ENTPD6: variants seen among roughly 807,000 people sequenced by gnomAD.
ENTPD6 encodes CD39 antigen-like 2.
ENTPD6 carries 46 observed loss-of-function variants against 61.5 expected under a neutral mutation model. The observed-to-expected ratio is 0.75, with a 90% CI of 0.59 to 0.96. The LOEUF (loss-of-function observed/expected upper bound fraction) is 0.96. ENTPD6 is among the 40% of genes least tolerant of loss of function. The pLI is 0.00. For synonymous variants in ENTPD6, 252 were observed against 255.5 expected (o/e 0.99, Z 0.13); for missense variants, 612 against 629.0 (o/e 0.97, Z 0.29).
rs1359623316 is a variant in ENTPD6, at chr20:25,228,026, TTTG to T, written c.*2432_*2434del. Reference sequence around the variant, plus strand: ...TTTTCTATAAGATTGTCATCATTTTTTTGTTAATTGTAGATCTTTATTTATTAA... The same window carrying T: ...TTTTCTATAAGATTGTCATCATTTTTTTAATTGTAGATCTTTATTTATTAA... On this transcript the variant is annotated 3_prime_UTR_variant, in exon 15 of 15. Transcript: ENST00000376652. 1.3e-5 allele frequency among the ~76,000 whole-genome samples: 2 copies of T among 152,246 alleles called. No homozygotes were observed. The highest frequency in any genetic ancestry group is 2.9e-5 in the Non-Finnish European group (2 of 68,042).
rs1357291028 is a variant in ENTPD6, at chr20:25,215,671, T to C, written c.674-5T>C. 1.2e-6 allele frequency: 2 copies of C among 1,614,034 alleles called. No individual in the cohort carries two copies. Among genetic ancestry groups the C allele is most frequent in the African/African-American group, 2.7e-5 (2 of 74,942 alleles). ...TAAAATAATGCCTGTGACACTCTCT[T>C]GCAGGCGTTTCGGCGTGGATCACCA... On this transcript the variant is annotated splice_polypyrimidine_tract_variant and splice_region_variant and intron_variant, in intron 6 of 14. Coordinates refer to ENST00000376652, the MANE Select transcript of ENTPD6 (RefSeq NM_001247.5).
At position 25,195,770 on chromosome 20, in the gene ENTPD6, G is replaced by C. The variant is rs1409562489; in HGVS notation, c.-113G>C. 26 of 1,059,614 alleles carry C rather than the reference G, an allele frequency of 2.5e-5. No homozygotes were observed. The highest frequency in any genetic ancestry group is 6.5e-5 in the East Asian group (2 of 30,862). 65.6% of individuals were successfully genotyped at this position (1,059,614 alleles called of 1,614,324 possible). A position where few individuals can be genotyped will look rare whatever the true frequency, so the allele number is the denominator to read the frequency against. On this transcript the variant is annotated 5_prime_UTR_variant, in exon 1 of 15. Coordinates refer to ENST00000376652, the MANE Select transcript of ENTPD6 (RefSeq NM_001247.5). ...TATCCCGCGGGTGGAGGCCGGGGTG[G>C]CGCCGGCCGGGGCGGGGGAGCCCAA...
At position 25,218,547 on chromosome 20, in the gene ENTPD6, CA is replaced by C. The variant is rs1372880497; in HGVS notation, c.879-2del. ...TGCCCTCACTGAGGTGTCATTCCCA[CA>C]GCTACCTCGGGCTCGGGCTGATGTC... On this transcript the variant is annotated splice_acceptor_variant, in intron 9 of 14. Coordinates refer to ENST00000376652, the MANE Select transcript of ENTPD6 (RefSeq NM_001247.5). LOFTEE classifies it high-confidence loss of function. The C allele has an allele frequency of 1.2e-6, 2 of 1,603,846 alleles. No individual in the cohort carries two copies. The highest frequency in any genetic ancestry group is 1.3e-5 in the African/African-American group (1 of 75,028).
chr20:25,223,035 G>GC, intron 12 of ENTPD6, 57 bp downstream of exon 12: 1 of 1,109,618 alleles, frequency 9.0e-7, no homozygotes, highest in Non-Finnish European at 1.3e-6. Flanking sequence ...GGCGGGGGTG[G>GC]AGGGCGTGTG....
chr20:25,211,615 G>A (rs1357713772), intron 4 of ENTPD6, among the ~76,000 whole-genome samples: 2 of 152,146 alleles, frequency 1.3e-5, no homozygotes, highest in South Asian at 2.1e-4. Flanking sequence ...CGTTTATGTC[G>A]GCATGTGCAG....
At chr20:25,201,328 C>G (rs1316729358) in intron 1 of ENTPD6, among the ~76,000 whole-genome samples, 1 of 152,096 alleles carries the variant, frequency 6.6e-6, no homozygotes, top group Non-Finnish European at 1.5e-5. Context: ...ATTTTTCTGT[C>G]CATTATTCAA....
intron 1 of ENTPD6, 176 bp downstream of exon 1, chr20:25,196,043 G>A (rs866857564): frequency 1.4e-5 from 12 of 861,846 alleles, no homozygotes; most frequent in Middle Eastern, 8.2e-4. Flanking sequence ...GGATGTCTGG[G>A]CTCCGCTGAC....
intron 5 of ENTPD6, chr20:25,214,570 T>G (rs1387776467): frequency 2.3e-5 from 8 of 341,722 alleles, no homozygotes; most frequent in Admixed American, 4.2e-5. Flanking sequence ...GGGCGGTGGA[T>G]TAACTTGCAA....
intron 12 of ENTPD6, among the ~76,000 whole-genome samples, chr20:25,223,562 G>A (rs531983760): frequency 1.7e-4 from 26 of 152,172 alleles, no homozygotes; most frequent in Non-Finnish European, 3.5e-4. Context: ...AAGCTGACAC[G>A]GTGCCGGCTC....
chr20:25,218,677 C>A, intron 10 of ENTPD6, 63 bp downstream of exon 10: 1 of 1,483,430 alleles, frequency 6.7e-7, no homozygotes, highest in Non-Finnish European at 9.1e-7. Context: ...TCAGTGGGAA[C>A]GAGGAGCCCC....
chr20:25,222,159 GC>G (rs2092656775), intron 11 of ENTPD6: 1 of 153,464 alleles, frequency 6.5e-6, no homozygotes, highest in Non-Finnish European at 1.4e-5. Context: ...CCCTCTGTCA[GC>G]TGCTGTGTTT....
In ENTPD6 at chr20:25,219,425, C is replaced by T. The variant is rs530917978; in HGVS notation, c.943+811C>T. Among the ~76,000 whole-genome samples the T allele has an allele frequency of 4.6e-5, 7 of 152,306 alleles. No individual in the cohort carries two copies. The East Asian group carries it at 5.8e-4, about 13-fold the overall frequency. On this transcript the variant is annotated intron_variant, in intron 10 of 14. Transcript: ENST00000376652. ...AGAACATCCCTCCTCCCTTGCTCTG[C>T]GAAGGGTCATGAAATGTGGGCTTGG... is the stretch of plus-strand genomic sequence containing the variant.
At chr20:25,210,059 T>C (rs560332011) in intron 4 of ENTPD6, 134 bp downstream of exon 4, 14 of 834,582 alleles carry the variant, frequency 1.7e-5, no homozygotes, top group South Asian at 1.6e-4. Context: ...TTCATGCCAT[T>C]TGGGATGGTC....
At chr20:25,216,474 G>C (rs1041920267) in intron 7 of ENTPD6, among the ~76,000 whole-genome samples, 174 bp from the exon 8 acceptor site, 15 of 152,172 alleles carry the variant, frequency 9.9e-5, no homozygotes, top group African/African-American at 3.6e-4. Flanking sequence ...AGCTGGTGGA[G>C]CCATTACTCT....
At chr20:25,217,417 C>T in intron 8 of ENTPD6, 85 bp from the exon 9 acceptor site, 3 of 1,294,458 alleles carry the variant, frequency 2.3e-6, no homozygotes, top group Admixed American at 3.4e-5. Context: ...CTGACCATCC[C>T]CTTTCTTTCA....
chr20:25,217,864 C>T (rs372675892), intron 9 of ENTPD6, among the ~76,000 whole-genome samples: 40 of 140,618 alleles, frequency 2.8e-4, no homozygotes, highest in African/African-American at 8.0e-4. Context: ...CTATAGTATA[C>T]GCACATTAAC....
At chr20:25,206,414 T>C in intron 1 of ENTPD6, 108 bp from the exon 2 acceptor site, 1 of 791,802 alleles carries the variant, frequency 1.3e-6, no homozygotes, top group East Asian at 2.5e-5. Flanking sequence ...TGCTTTCATT[T>C]TGGGTATATC....
chr20:25,209,988 C>T (rs1370906312), intron 4 of ENTPD6, 63 bp downstream of exon 4: 2 of 1,402,658 alleles, frequency 1.4e-6, no homozygotes, highest in East Asian at 2.3e-5. Flanking sequence ...AGTTCTTTTC[C>T]TTTGAATGTG....
At chr20:25,198,022 G>T (rs2122346523) in intron 1 of ENTPD6, among the ~76,000 whole-genome samples, 1 of 152,258 alleles carries the variant, frequency 6.6e-6, no homozygotes, top group African/African-American at 2.4e-5. Flanking sequence ...GGGCTGTGAG[G>T]CAGGCTTTGT....
Sources: gnomAD v4.1 joint callset for allele counts (sites outside exome capture counted in the v4.1 genomes callset) on GRCh38, gnomAD v4.1.1 for gene constraint, MANE v1.5 for transcripts, NCBI Gene and HGNC (gene_info 2026-07-23, HGNC 2026-07-21) for gene names.